PKIB: variants seen among roughly 807,000 people sequenced by gnomAD.
The protein encoded by PKIB is cAMP-dependent protein kinase inhibitor beta, also known as PKI-beta.
In PKIB, 2 loss-of-function variants were observed where a neutral mutation model predicts 4.5. That is an observed-to-expected ratio of 0.44 (90% CI 0.18 to 1.39). The LOEUF (loss-of-function observed/expected upper bound fraction) is 1.39. PKIB is among the 40% of genes most tolerant of loss of function. The probability of loss-of-function intolerance (pLI) is 0.27; values close to 1 mark genes in which losing one functional copy is unlikely to be tolerated. For synonymous variants in PKIB, 38 were observed against 36.0 expected (o/e 1.06, Z -0.20); for missense variants, 94 against 92.6 (o/e 1.02, Z -0.06).
chr6:122,703,955 G>T (rs866588798), intron 3 of PKIB, among the ~76,000 whole-genome samples: 17 of 148,330 alleles, frequency 1.1e-4, no homozygotes, highest in African/African-American at 4.1e-4. Context: ...GAGAGAGAGA[G>T]AGAGAGAGAG....
intron 1 of PKIB, among the ~76,000 whole-genome samples, chr6:122,630,314 C>T (rs1775644084): frequency 6.6e-6 from 1 of 151,950 alleles, no homozygotes; most frequent in African/African-American, 2.4e-5. Context: ...AAACAAAATA[C>T]AATATATACA....
chr6:122,631,146 C>G (rs1208635240), intron 1 of PKIB, among the ~76,000 whole-genome samples: 1 of 152,170 alleles, frequency 6.6e-6, no homozygotes, highest in Non-Finnish European at 1.5e-5. Flanking sequence ...ATTTAAAACT[C>G]TACAACACAA....
At chr6:122,580,984 G>A (rs994890820) in intron 2 of PKIB, among the ~76,000 whole-genome samples, 1 of 152,092 alleles carries the variant, frequency 6.6e-6, no homozygotes. Flanking sequence ...TGCAGATTCT[G>A]TATTACAGAC....
intron 2 of PKIB, among the ~76,000 whole-genome samples, chr6:122,655,352 T>C (rs1776726696): frequency 6.6e-6 from 1 of 152,208 alleles, no homozygotes; most frequent in Admixed American, 6.5e-5. Flanking sequence ...TGTGGAACCT[T>C]TGTTAGGTGA....
intron 2 of PKIB, among the ~76,000 whole-genome samples, chr6:122,549,699 AATG>A (rs1386018471): frequency 6.6e-6 from 1 of 151,942 alleles, no homozygotes; most frequent in Non-Finnish European, 1.5e-5. Context: ...AATAGAACAG[AATG>A]ATATGTAACA....
At chr6:122,668,221 T>G (rs1316927613) in intron 2 of PKIB, among the ~76,000 whole-genome samples, 2 of 152,132 alleles carry the variant, frequency 1.3e-5, no homozygotes, top group Non-Finnish European at 2.9e-5. Context: ...AATCCCAAAA[T>G]GTGTACCAGT....
At chr6:122,670,783 A>G (rs1777433125) in intron 2 of PKIB, among the ~76,000 whole-genome samples, 2 of 152,158 alleles carry the variant, frequency 1.3e-5, no homozygotes, top group South Asian at 4.1e-4. Flanking sequence ...TGTCACCATG[A>G]TTCATCTCTG....
At chr6:122,639,159 T>C (rs1412576530) in intron 2 of PKIB, among the ~76,000 whole-genome samples, 1 of 152,156 alleles carries the variant, frequency 6.6e-6, no homozygotes, top group Non-Finnish European at 1.5e-5. Flanking sequence ...ACTTAAAGAA[T>C]AAATCTTGTT....
At chr6:122,567,235 G>A (rs1441373296) in intron 2 of PKIB, among the ~76,000 whole-genome samples, 1 of 152,182 alleles carries the variant, frequency 6.6e-6, no homozygotes, top group Non-Finnish European at 1.5e-5. Context: ...TGTGCTGCAA[G>A]TCAGAAATGC....
intron 1 of PKIB, among the ~76,000 whole-genome samples, chr6:122,620,375 AAAG>A (rs1775174690): frequency 6.6e-6 from 1 of 152,214 alleles, no homozygotes; most frequent in South Asian, 2.1e-4. Context: ...GAACCTAGTT[AAAG>A]AAGCACAGAC....
At position 122,471,942 on chromosome 6, in the gene PKIB, A is replaced by G. The variant is rs1009199496; in HGVS notation, c.-436A>G. 8.4e-6 allele frequency: 10 copies of G among 1,188,712 alleles called. No homozygotes were observed. The African/African-American group carries it at 1.4e-4, about 17-fold the overall frequency. The allele number at this position is 1,188,712 out of a possible 1,614,324, so 73.6% of individuals were successfully genotyped here. A position where few individuals can be genotyped will look rare whatever the true frequency, so the allele number is the denominator to read the frequency against. Reference sequence around the variant, plus strand: ...GACTGCGCATGCGCGTCACTAGACGACACGGCTGTCTTCTTTCCTGGAGAA... The same window carrying G: ...GACTGCGCATGCGCGTCACTAGACGGCACGGCTGTCTTCTTTCCTGGAGAA... On this transcript the variant is annotated 5_prime_UTR_variant, in exon 1 of 7. Coordinates refer to the PKIB transcript ENST00000392491.
chr6:122,475,673 C>T (rs1395115061), intron 1 of PKIB, among the ~76,000 whole-genome samples: 1 of 149,454 alleles, frequency 6.7e-6, no homozygotes, highest in Non-Finnish European at 1.5e-5. Context: ...GTAGTCCCAG[C>T]TACTCAAGAG....
chr6:122,554,167 A>G (rs1772770560), intron 2 of PKIB, among the ~76,000 whole-genome samples: 1 of 152,222 alleles, frequency 6.6e-6, no homozygotes, highest in Admixed American at 6.5e-5. Flanking sequence ...CTTATACACA[A>G]GGACTACTAG....
intron 3 of PKIB, among the ~76,000 whole-genome samples, chr6:122,676,205 AG>A (rs1282248318): frequency 6.6e-6 from 1 of 151,676 alleles, no homozygotes; most frequent in Admixed American, 6.6e-5. Context: ...TCTCATAAGG[AG>A]CATACAACCT....
chr6:122,598,202 C>A (rs1582724961), intron 3 of PKIB, among the ~76,000 whole-genome samples: 1 of 152,180 alleles, frequency 6.6e-6, no homozygotes, highest in East Asian at 1.9e-4. Flanking sequence ...GGCTGTGATT[C>A]TCTGTTTTAT....
intron 3 of PKIB, among the ~76,000 whole-genome samples, chr6:122,589,163 G>A (rs919765815): frequency 1.3e-5 from 2 of 152,102 alleles, no homozygotes; most frequent in East Asian, 1.9e-4. Context: ...AAAAAAGGAT[G>A]TTGCAGCAAT....
rs117503220 is a variant in PKIB at position 122,703,560 on chromosome 6, G to A, written c.-8-14227G>A. On this transcript the variant is annotated intron_variant, in intron 3 of 4. Transcript: ENST00000368452. Reference sequence around the variant, plus strand: ...TACAATGAACTAAACTTGAAAAAGAGCAAAGTAGATTGCCTAGAAATAAAA... The same window carrying A: ...TACAATGAACTAAACTTGAAAAAGAACAAAGTAGATTGCCTAGAAATAAAA... 1.2e-3 allele frequency among the ~76,000 whole-genome samples: 181 copies of A among 151,972 alleles called. 4 individuals carry two copies. In the East Asian group the frequency reaches 0.019, roughly 16 times the overall value.
intron 2 of PKIB, among the ~76,000 whole-genome samples, chr6:122,576,819 C>T (rs1488329071): frequency 1.3e-5 from 2 of 149,518 alleles, no homozygotes; most frequent in African/African-American, 2.5e-5. Context: ...TGTGTATTAT[C>T]GCATGTGTTT....
intron 2 of PKIB, among the ~76,000 whole-genome samples, chr6:122,559,158 C>G (rs1049219782): frequency 1.3e-5 from 2 of 151,708 alleles, no homozygotes; most frequent in African/African-American, 4.8e-5. Context: ...ACAACGAACT[C>G]AAACAAATCA....
Sources: gnomAD v4.1 joint callset for allele counts (sites outside exome capture counted in the v4.1 genomes callset) on GRCh38, gnomAD v4.1.1 for gene constraint, MANE v1.5 for transcripts, NCBI Gene and HGNC (gene_info 2026-07-23, HGNC 2026-07-21) for gene names.